KCNQ5: variants seen among roughly 807,000 people sequenced by gnomAD.
KCNQ5 encodes potassium voltage-gated channel subfamily KQT member 5.
A neutral mutation model predicts 98.2 loss-of-function variants in KCNQ5; 30 were observed. The ratio of observed to expected loss-of-function variants is 0.31; its 90% CI spans 0.23 to 0.41. The LOEUF is 0.41. Among genes scored for constraint, KCNQ5 ranks in the 10% least tolerant of loss-of-function variants. The pLI is 1.00. For synonymous variants in KCNQ5, 458 were observed against 449.4 expected (o/e 1.02, Z -0.24); for missense variants, 835 against 1,182.5 (o/e 0.71, Z 4.31).
At chr6:72,831,411 G>A (rs1182807779) in intron 1 of KCNQ5, among the ~76,000 whole-genome samples, 2 of 152,094 alleles carry the variant, frequency 1.3e-5, no homozygotes, top group East Asian at 1.9e-4. Flanking sequence ...AAAAAAGGAT[G>A]AGTTCATGTC....
At chr6:72,860,327 T>G (rs922060539) in intron 1 of KCNQ5, among the ~76,000 whole-genome samples, 1 of 152,148 alleles carries the variant, frequency 6.6e-6, no homozygotes, top group African/African-American at 2.4e-5. Flanking sequence ...CCAATTCGGT[T>G]ATTTCAACAG....
chr6:72,816,955 C>A (rs1025189426), intron 1 of KCNQ5, among the ~76,000 whole-genome samples: 1 of 152,166 alleles, frequency 6.6e-6, no homozygotes, highest in African/African-American at 2.4e-5. Flanking sequence ...ATATGAAAGA[C>A]AGGAGTCAGG....
At chr6:73,052,943 C>T (rs1772310708) in intron 3 of KCNQ5, among the ~76,000 whole-genome samples, 1 of 152,134 alleles carries the variant, frequency 6.6e-6, no homozygotes, top group Non-Finnish European at 1.5e-5. Flanking sequence ...TTAAAAGGCA[C>T]AGAGTGGCAA....
At chr6:73,182,930 A>G (rs1778450333) in intron 11 of KCNQ5, among the ~76,000 whole-genome samples, 1 of 152,204 alleles carries the variant, frequency 6.6e-6, no homozygotes, top group African/African-American at 2.4e-5. Context: ...AAGGGAAAAC[A>G]TTACAATTAC....
At chr6:72,974,264 C>A (rs1768043318) in intron 1 of KCNQ5, among the ~76,000 whole-genome samples, 1 of 152,100 alleles carries the variant, frequency 6.6e-6, no homozygotes, top group Admixed American at 6.5e-5. Flanking sequence ...CCTAGAGAGA[C>A]CATATGGCTC....
chr6:72,658,291 A>AT (rs1388484684), intron 1 of KCNQ5, among the ~76,000 whole-genome samples: 1 of 151,318 alleles, frequency 6.6e-6, no homozygotes, highest in African/African-American at 2.4e-5. Context: ...TTTTTTATTT[A>AT]TTTTTTTGAG....
chr6:73,067,294 AAG>A (rs1416525544), intron 3 of KCNQ5, among the ~76,000 whole-genome samples: 1 of 152,206 alleles, frequency 6.6e-6, no homozygotes, highest in Non-Finnish European at 1.5e-5. Flanking sequence ...GACTTTGGAT[AAG>A]ATTCTTGGAC....
chr6:72,987,146 C>T (rs1768820482), intron 1 of KCNQ5: 8 of 657,788 alleles, frequency 1.2e-5, no homozygotes, highest in Middle Eastern at 2.7e-4. Context: ...CTAAGGCCCC[C>T]GAGAAGAAAA....
intron 1 of KCNQ5, among the ~76,000 whole-genome samples, chr6:72,865,099 A>T (rs905786426): frequency 7.2e-5 from 11 of 152,204 alleles, no homozygotes; most frequent in Non-Finnish European, 1.5e-4. Flanking sequence ...TAGATATCAT[A>T]ATCCTCACTT....
intron 2 of KCNQ5, among the ~76,000 whole-genome samples, chr6:73,026,922 G>A (rs1582215355): frequency 6.6e-6 from 1 of 152,022 alleles, no homozygotes; most frequent in South Asian, 2.1e-4. Flanking sequence ...ACCCCTCCAT[G>A]CTTCTATCCC....
chr6:72,894,902 T>G (rs1211460005), intron 1 of KCNQ5, among the ~76,000 whole-genome samples: 1 of 151,760 alleles, frequency 6.6e-6, no homozygotes, highest in Non-Finnish European at 1.5e-5. Context: ...TATTATGTGG[T>G]CAGACAAGGA....
intron 3 of KCNQ5, chr6:73,055,446 A>G (rs1415928850): frequency 1.9e-6 from 3 of 1,544,004 alleles, no homozygotes; most frequent in Non-Finnish European, 2.7e-6. Flanking sequence ...TGCTCCTATG[A>G]TGTCCCACCA....
At position 73,138,579 on chromosome 6, in the gene KCNQ5, A is replaced by G. The variant is rs77917953; in HGVS notation, c.1468+4938A>G. Among the ~76,000 whole-genome samples, 490 of 152,354 alleles carry G rather than the reference A, an allele frequency of 3.2e-3. 1 individual carries two copies. The highest frequency in any genetic ancestry group is 5.2e-3 in the Non-Finnish European group (352 of 68,028). On this transcript the variant is annotated intron_variant, in intron 10 of 13. Transcript: ENST00000370398. ...CAATAGATCTGAAAATCTGTCTCAC[A>G]TACATGTATAACCATGCATGTTTTA...
At chr6:72,836,969 T>A (rs6907502) in intron 1 of KCNQ5, among the ~76,000 whole-genome samples, 1 of 152,022 alleles carries the variant, frequency 6.6e-6, no homozygotes, top group Non-Finnish European at 1.5e-5. Context: ...TCTTTTTAAC[T>A]TAATATATTG....
intron 1 of KCNQ5, among the ~76,000 whole-genome samples, chr6:72,739,761 A>C (rs1445669528): frequency 1.3e-5 from 2 of 152,206 alleles, no homozygotes; most frequent in Non-Finnish European, 2.9e-5. Flanking sequence ...AGCTCTACTG[A>C]CTATTCGATA....
At chr6:73,175,846 CG>C (rs35638115) in intron 11 of KCNQ5, among the ~76,000 whole-genome samples, 12,868 of 152,130 alleles carry the variant, frequency 0.085, 576 homozygotes, top group Non-Finnish European at 0.099. Flanking sequence ...CAACCTATAT[CG>C]GCACTTTTGG....
chr6:73,006,869 T>A (rs1769836227), intron 2 of KCNQ5, among the ~76,000 whole-genome samples: 1 of 152,126 alleles, frequency 6.6e-6, no homozygotes. Context: ...TTCCTACAAT[T>A]CTATTTCTGT....
intron 1 of KCNQ5, among the ~76,000 whole-genome samples, chr6:72,646,849 T>C (rs1432064374): frequency 6.6e-6 from 1 of 152,180 alleles, no homozygotes; most frequent in East Asian, 1.9e-4. Flanking sequence ...TTTATACACT[T>C]TAGTCATATT....
chr6:72,852,827 C>T (rs1212321090), intron 1 of KCNQ5, among the ~76,000 whole-genome samples: 3 of 151,038 alleles, frequency 2.0e-5, no homozygotes, highest in Non-Finnish European at 3.0e-5. Flanking sequence ...AATAAATACT[C>T]CAGACTCATC....
Sources: allele counts gnomAD v4.1 joint callset (sites outside exome capture counted in the v4.1 genomes callset), GRCh38; gene constraint gnomAD v4.1.1; transcripts MANE v1.5; gene names NCBI Gene and HGNC (gene_info 2026-07-23, HGNC 2026-07-21).